PCDHGA2: variants seen among roughly 807,000 people sequenced by gnomAD.
PCDHGA2 encodes the protein protocadherin gamma-A2.
PCDHGA2 carries 40 observed loss-of-function variants against 59.2 expected under a neutral mutation model. The observed-to-expected ratio is 0.68, with a 90% confidence interval of 0.52 to 0.88. The LOEUF is 0.88. Ranked by LOEUF, PCDHGA2 falls within the 40% of genes least tolerant of loss-of-function variation. PCDHGA2 has a pLI of 0.00. For missense variants in PCDHGA2, 1,226 were observed against 1,204.0 expected, an observed-to-expected ratio of 1.02 and a Z score of -0.27; for synonymous variants, 560 against 526.0, an observed-to-expected ratio of 1.06 and a Z score of -0.89.
chr5:141,387,998 C>A, intron 1 of PCDHGA2: 1 of 1,485,206 alleles, frequency 6.7e-7, no homozygotes, highest in South Asian at 1.3e-5. Flanking sequence ...ACAGGATTCC[C>A]GAGGAAATGC....
intron 1 of PCDHGA2, chr5:141,412,460 G>C (rs2095557510): frequency 1.3e-5 from 2 of 152,244 alleles, no homozygotes; most frequent in South Asian, 4.1e-4. Flanking sequence ...AACTATTCTA[G>C]AAGAGTACTT....
intron 1 of PCDHGA2, chr5:141,355,958 AGAACGTTCCTGTAG>A: frequency 3.7e-6 from 6 of 1,613,948 alleles, no homozygotes; most frequent in Non-Finnish European, 5.1e-6. Context: ...AGTGTTCGTG[AGAACGTTCCTGTAG>A]GCACTCGGCT....
chr5:141,460,981 GTGTATATATA>G (rs1332002052), intron 1 of PCDHGA2, among the ~76,000 whole-genome samples: 6 of 121,884 alleles, frequency 4.9e-5, no homozygotes, highest in Non-Finnish European at 1.0e-4. Flanking sequence ...GTGTGTGTGT[GTGTATATATA>G]TATATGTGTA....
At position 141,485,437 on chromosome 5, in the gene PCDHGA2, C is replaced by A. The variant is rs2099613420; in HGVS notation, c.2425-9370C>A. The A allele has an allele frequency of 6.2e-7, 1 of 1,614,174 alleles. No individual in the cohort carries two copies. Among genetic ancestry groups the A allele is most frequent in the Non-Finnish European group, 8.5e-7 (1 of 1,180,028 alleles). On this transcript the variant is annotated intron_variant, in intron 1 of 3. Transcript: ENST00000394576. The surrounding 1 kb of genome is among the most constrained non-coding windows in gnomAD (Gnocchi z 5.7). ...ACAGCGGAGCCCTGCTCATCAAGAA[C>A]CCAATCGACCGAGAGGCACTGTGTG...
chr5:141,383,788 C>T (rs1375292315), intron 1 of PCDHGA2: 2 of 1,613,944 alleles, frequency 1.2e-6, no homozygotes, highest in Non-Finnish European at 1.7e-6. Context: ...TCTGAACTCG[C>T]TTACAGGAGA....
intron 1 of PCDHGA2, chr5:141,377,007 T>G (rs985572001): frequency 6.4e-6 from 1 of 155,470 alleles, no homozygotes; most frequent in Non-Finnish European, 1.4e-5. Context: ...TTTTTATTGG[T>G]TGACAGGAAA....
At position 141,364,855 on chromosome 5, in the gene PCDHGA2, T is replaced by A. The variant is rs772829595; in HGVS notation, c.2424+23460T>A. 3.1e-6 allele frequency: 5 copies of A among 1,613,874 alleles called. No homozygotes were observed. The African/African-American group carries it at 5.3e-5, about 17-fold the overall frequency. The stretch of plus-strand genomic sequence containing the variant: ...TCCGGAGTTACCAGCTCAGCTCCAA[T>A]CTGCACTTCTCTCTGGATGTGGTAA... On this transcript the variant is annotated intron_variant, in intron 1 of 3. Coordinates refer to ENST00000394576, the MANE Select transcript of PCDHGA2 (RefSeq NM_018915.4).
rs772884830 is a variant in PCDHGA2 at position 141,491,791 on chromosome 5, C to T, written c.2425-3016C>T. ...TAAGGGATTGAACTTGCATCCACTCCTCTCCGGCCGGCTTGGTCGCTGGCT... is the reference window on the plus strand; with the variant it reads ...TAAGGGATTGAACTTGCATCCACTCTTCTCCGGCCGGCTTGGTCGCTGGCT... On this transcript the variant is annotated intron_variant, in intron 1 of 3. Coordinates refer to ENST00000394576, the MANE Select transcript of PCDHGA2 (RefSeq NM_018915.4). This position sits in a 1 kb window ranked among gnomAD's most constrained non-coding sequence, Gnocchi z 6.9. The T allele has an allele frequency of 3.3e-6, 5 of 1,518,376 alleles. No homozygotes were observed. In the African/African-American group the frequency reaches 4.2e-5, roughly 13 times the overall value. The allele number at this position is 1,518,376 out of a possible 1,614,324, so 94.1% of individuals were successfully genotyped here.
chr5:141,356,796 G>A (rs1760345671), intron 1 of PCDHGA2: 2 of 1,614,028 alleles, frequency 1.2e-6, no homozygotes, highest in Non-Finnish European at 8.5e-7. Context: ...AGCTGCTGAT[G>A]ACAGCCAGTG....
At chr5:141,495,277 G>A (rs2099760037) in intron 2 of PCDHGA2, among the ~76,000 whole-genome samples, 1 of 152,168 alleles carries the variant, frequency 6.6e-6, no homozygotes, top group African/African-American at 2.4e-5. Context: ...ACCGGAGGAG[G>A]CGGTCCGCAC....
chr5:141,408,446 G>C (rs371079756), intron 1 of PCDHGA2: 180 of 1,613,946 alleles, frequency 1.1e-4, no homozygotes, highest in Non-Finnish European at 1.5e-4. Context: ...CGCGGAGAGC[G>C]GGGACTTACT....
intron 1 of PCDHGA2, chr5:141,427,864 A>G: frequency 6.4e-7 from 1 of 1,557,574 alleles, no homozygotes; most frequent in Non-Finnish European, 8.8e-7. Flanking sequence ...TGCGCCTTCG[A>G]GCTCACGATG....
At chr5:141,447,798 A>G (rs2098551922) in intron 1 of PCDHGA2, among the ~76,000 whole-genome samples, 2 of 152,230 alleles carry the variant, frequency 1.3e-5, no homozygotes, top group Admixed American at 1.3e-4. Context: ...TTAAGAAAAT[A>G]AAATTGGCTG....
rs1194909537 is a variant in PCDHGA2 at position 141,511,022 on chromosome 5, T to C, written c.2648T>C (p.Phe883Ser). 1 of 1,614,176 alleles carries C rather than the reference T, an allele frequency of 6.2e-7. No individual in the cohort carries two copies. The highest frequency in any genetic ancestry group is 8.5e-7 in the Non-Finnish European group (1 of 1,180,020). ...MGLSARYGPQ[F>S]TLQHVPDYRQ... ...TTGAGCGCCCGCTACGGACCCCAGT[T>C]CACCCTGCAGCACGTGCCCGACTAC... The change falls in exon 4 of 4, where the codon TTC becomes TCC. Residue 883 changes from phenylalanine (F) to serine (S), a missense_variant. Transcript: ENST00000394576.
At chr5:141,380,282 T>C (rs1263967352) in intron 1 of PCDHGA2, among the ~76,000 whole-genome samples, 3 of 152,306 alleles carry the variant, frequency 2.0e-5, no homozygotes, top group Admixed American at 6.5e-5. Flanking sequence ...AGGAGAAACA[T>C]TGGAAGATAC....
intron 1 of PCDHGA2, chr5:141,372,939 G>A (rs1026338118): frequency 1.1e-5 from 9 of 824,676 alleles, no homozygotes; most frequent in Non-Finnish European, 1.6e-5. Flanking sequence ...GTAGAGTAGG[G>A]TGTCTAGGAA....
At chr5:141,362,441 A>G (rs761899854) in intron 1 of PCDHGA2, 1 of 1,614,052 alleles carries the variant, frequency 6.2e-7, no homozygotes, top group South Asian at 1.1e-5. Flanking sequence ...AATTTTCTGA[A>G]CATAACCCCG....
rs192741775 is a variant in PCDHGA2, at chr5:141,428,173, C to A, written c.2425-66634C>A. The A allele has an allele frequency of 3.2e-4, 487 of 1,514,722 alleles. 1 individual carries two copies. In the Middle Eastern group the frequency reaches 7.1e-3, roughly 22 times the overall value. The allele number at this position is 1,514,722 out of a possible 1,614,324, so 93.8% of individuals were successfully genotyped here. On this transcript the variant is annotated intron_variant, in intron 1 of 3. Transcript: ENST00000394576. The stretch of plus-strand genomic sequence containing the variant: ...GGAACCTGCTGGTTGCTGTGCGTGA[C>A]GGAGGACAGCCGCCGCTCTCTGCGC...
At chr5:141,497,904 A>G (rs939422338) in intron 2 of PCDHGA2, among the ~76,000 whole-genome samples, 2 of 152,136 alleles carry the variant, frequency 1.3e-5, no homozygotes, top group African/African-American at 2.4e-5. Context: ...AGTAACTTCA[A>G]CTTCTCTCCT....
Sources: gnomAD v4.1 joint callset for allele counts (sites outside exome capture counted in the v4.1 genomes callset) on GRCh38, gnomAD v4.1.1 for gene constraint, Gnocchi (gnomAD v3.1) non-coding constraint, MANE v1.5 for transcripts, NCBI Gene and HGNC (gene_info 2026-07-23, HGNC 2026-07-21) for gene names.